Variants in FAM117B observed in about 807,000 individuals in gnomAD.
The protein encoded by FAM117B is family with sequence similarity 117 member B.
In FAM117B, 22 loss-of-function variants were observed where a neutral mutation model predicts 52.8. The observed-to-expected ratio is 0.42, with a 90% confidence interval of 0.30 to 0.59. The LOEUF (loss-of-function observed/expected upper bound fraction) is 0.59, where lower values mean the gene tolerates loss of function less well. FAM117B is among the 20% of genes least tolerant of loss of function. The pLI, the probability that FAM117B is intolerant of heterozygous loss-of-function variation, is 0.22. For missense variants in FAM117B, 678 were observed against 802.6 expected (o/e 0.84, Z 1.88); for synonymous variants, 309 against 324.1 (o/e 0.95, Z 0.50).
intron 4 of FAM117B, among the ~76,000 whole-genome samples, chr2:202,753,828 C>T (rs1329077962): frequency 1.3e-5 from 2 of 151,022 alleles, no homozygotes; most frequent in East Asian, 1.9e-4. Context: ...AATGTGATAC[C>T]ATCTCACGCC....
At chr2:202,704,557 G>A (rs1559106012) in intron 2 of FAM117B, among the ~76,000 whole-genome samples, 1 of 152,168 alleles carries the variant, frequency 6.6e-6, no homozygotes, top group Admixed American at 6.5e-5. Context: ...GAAAGCTGAT[G>A]TAGACTTTTG....
chr2:202,708,072 ATTTTT>A lies in FAM117B; in HGVS notation c.753+12042_753+12046del, dbSNP rs913581923. 4.4e-4 allele frequency among the ~76,000 whole-genome samples: 66 copies of A among 151,706 alleles called. 1 individual carries two copies. The highest frequency in any genetic ancestry group is 1.5e-3 in the African/African-American group (62 of 41,336). On this transcript the variant is annotated intron_variant, in intron 2 of 7. Coordinates refer to ENST00000392238, the MANE Select transcript of FAM117B (RefSeq NM_173511.4). Reference sequence around the variant, plus strand: ...GGCATAAGCCACCACGCCCAGCCTAATTTTTTATTTTATTGTCAGAAGAGATCTAC... The same window carrying A: ...GGCATAAGCCACCACGCCCAGCCTAATATTTTATTGTCAGAAGAGATCTAC...
rs1689655441 is a variant in FAM117B, at chr2:202,635,173, G to C, written c.-15G>C. On this transcript the variant is annotated 5_prime_UTR_variant, in exon 1 of 8. Coordinates refer to ENST00000392238, the MANE Select transcript of FAM117B (RefSeq NM_173511.4). ...AACCCCCCGTCTCGCCCAGTCACCG[G>C]GGAGGGGGGGGACCATGTCCCAGCG... 2 of 1,268,822 alleles carry C rather than the reference G, an allele frequency of 1.6e-6. No individual in the cohort carries two copies. The highest frequency in any genetic ancestry group is 4.1e-5 in the Admixed American group (1 of 24,482). 78.6% of individuals were successfully genotyped at this position (1,268,822 alleles called of 1,614,324 possible).
At chr2:202,654,271 A>AAT (rs1362779541) in intron 1 of FAM117B, among the ~76,000 whole-genome samples, 2 of 151,984 alleles carry the variant, frequency 1.3e-5, no homozygotes, top group African/African-American at 2.4e-5. Context: ...TCAAAAAAAA[A>AAT]AAATCTCAGA....
chr2:202,738,054 G>A (rs1206380271), intron 4 of FAM117B, among the ~76,000 whole-genome samples: 1 of 152,140 alleles, frequency 6.6e-6, no homozygotes, highest in African/African-American at 2.4e-5. Flanking sequence ...TTTGCCATCT[G>A]TGTATCCTGT....
chr2:202,681,381 T>C (rs1463017262), intron 1 of FAM117B, among the ~76,000 whole-genome samples: 1 of 152,140 alleles, frequency 6.6e-6, no homozygotes, highest in Non-Finnish European at 1.5e-5. Context: ...TAACAAAAAG[T>C]AAGATCTAAT....
intron 1 of FAM117B, among the ~76,000 whole-genome samples, chr2:202,650,917 C>T (rs900594519): frequency 1.3e-5 from 2 of 152,126 alleles, no homozygotes; most frequent in Non-Finnish European, 2.9e-5. Flanking sequence ...TCCGCTGACT[C>T]AAATATTAAT....
chr2:202,743,190 C>CT (rs1691576236), intron 4 of FAM117B, among the ~76,000 whole-genome samples: 1 of 152,222 alleles, frequency 6.6e-6, no homozygotes, highest in South Asian at 2.1e-4. Flanking sequence ...TGCCTGAGGA[C>CT]TAGCCTGGCT....
chr2:202,658,074 C>T lies in FAM117B; in HGVS notation c.601+22286C>T, dbSNP rs1690078687. On this transcript the variant is annotated intron_variant, in intron 1 of 7. Transcript: ENST00000392238. ...ATCTTTAAACATTGAAAACCACATA[C>T]TCAGCATTATAATTTTTGCTTTCAA... Among the ~76,000 whole-genome samples the T allele has an allele frequency of 2.0e-5, 3 of 152,104 alleles. No individual in the cohort carries two copies. The South Asian group carries it at 6.2e-4, about 31-fold the overall frequency.
intron 1 of FAM117B, among the ~76,000 whole-genome samples, chr2:202,646,337 A>C (rs2105754242): frequency 6.6e-6 from 1 of 152,374 alleles, no homozygotes; most frequent in South Asian, 2.1e-4. Flanking sequence ...TAAGTGAGAC[A>C]TTAAAATGCT....
At chr2:202,648,882 C>T (rs1689912161) in intron 1 of FAM117B, among the ~76,000 whole-genome samples, 1 of 151,988 alleles carries the variant, frequency 6.6e-6, no homozygotes, top group Non-Finnish European at 1.5e-5. Flanking sequence ...CTGCCTCAGC[C>T]TCCTGAGTAG....
intron 1 of FAM117B, 53 bp from the exon 2 acceptor site, chr2:202,695,828 G>A (rs770319723): frequency 2.7e-5 from 41 of 1,525,090 alleles, no homozygotes; most frequent in Non-Finnish European, 3.5e-5. Flanking sequence ...CTTAGTTTCT[G>A]CTTTGTTTCT....
intron 4 of FAM117B, among the ~76,000 whole-genome samples, chr2:202,740,173 C>CAAAAAAAAA (rs1358404767): frequency 0.032 from 2,221 of 69,592 alleles, 789 homozygotes; most frequent in African/African-American, 0.056. Flanking sequence ...ACTTCATCCC[C>CAAAAAAAAA]CAAAAAAAAA....
At chr2:202,747,935 T>TG (rs1189360131) in intron 4 of FAM117B, among the ~76,000 whole-genome samples, 1 of 152,090 alleles carries the variant, frequency 6.6e-6, no homozygotes, top group Non-Finnish European at 1.5e-5. Context: ...AAAGTACCAA[T>TG]GACATTCTTC....
chr2:202,712,161 C>A (rs900245352), intron 2 of FAM117B, among the ~76,000 whole-genome samples: 3 of 151,936 alleles, frequency 2.0e-5, no homozygotes, highest in Non-Finnish European at 4.4e-5. Flanking sequence ...AATATCTATT[C>A]TTTTAATCCA....
intron 1 of FAM117B, among the ~76,000 whole-genome samples, chr2:202,679,728 G>T (rs1164573236): frequency 6.6e-6 from 1 of 152,124 alleles, no homozygotes; most frequent in African/African-American, 2.4e-5. Flanking sequence ...TGATGAACAG[G>T]TTACTTAACT....
At chr2:202,709,884 G>A (rs925965640) in intron 2 of FAM117B, among the ~76,000 whole-genome samples, 3 of 152,102 alleles carry the variant, frequency 2.0e-5, no homozygotes, top group African/African-American at 4.8e-5. Context: ...AGCACCATTT[G>A]TTGAAGAGAC....
At position 202,765,181 on chromosome 2, in the gene FAM117B, T is replaced by C. The variant is rs190449353; in HGVS notation, c.1452-265T>C. On this transcript the variant is annotated intron_variant, in intron 7 of 7. Coordinates refer to ENST00000392238, the MANE Select transcript of FAM117B (RefSeq NM_173511.4). ...TCATCGGGCTGAGCCACCTGCATGG[T>C]AATGGGGCTGTCAAGGGAACTGAAA... Among the ~76,000 whole-genome samples the C allele has an allele frequency of 3.7e-3, 560 of 152,256 alleles. 8 individuals are homozygous for C. The highest frequency in any genetic ancestry group is 0.013 in the African/African-American group (537 of 41,530).
At chr2:202,755,779 A>C in intron 5 of FAM117B, 98 bp downstream of exon 5, 20 of 1,216,502 alleles carry the variant, frequency 1.6e-5, no homozygotes, top group Middle Eastern at 2.6e-4. Flanking sequence ...CTTCCTTCTC[A>C]TTGAGAGAGC....
Sources: gnomAD v4.1 joint callset for allele counts (sites outside exome capture counted in the v4.1 genomes callset) on GRCh38, gnomAD v4.1.1 for gene constraint, MANE v1.5 for transcripts, NCBI Gene and HGNC (gene_info 2026-07-23, HGNC 2026-07-21) for gene names.